Variants in GSE1 observed in about 807,000 individuals in gnomAD.
GSE1 encodes the protein Gse1 coiled-coil protein.
Under a neutral mutation model 112.6 loss-of-function variants are expected in GSE1, and 32 were observed. The observed-to-expected ratio is 0.28, with a 90% confidence interval of 0.21 to 0.38. The LOEUF is 0.38. GSE1 is among the 10% of genes least tolerant of loss of function. The pLI is 1.00. For missense variants in GSE1, 2,348 were observed against 1,699.2 expected (o/e 1.38, Z -6.71); for synonymous variants, 1,115 against 735.6 (o/e 1.52, Z -8.35).
intron 2 of GSE1, among the ~76,000 whole-genome samples, chr16:85,489,352 G>T (rs1000123590): frequency 2.6e-5 from 4 of 151,956 alleles, no homozygotes; most frequent in Non-Finnish European, 4.4e-5. Flanking sequence ...AGTGGCCCCT[G>T]CCTGTCAGTG....
At chr16:85,526,410 G>A (rs1362772228) in intron 2 of GSE1, among the ~76,000 whole-genome samples, 18 of 152,384 alleles carry the variant, frequency 1.2e-4, no homozygotes. Context: ...TGCACAGGGT[G>A]AGAAGAACGG....
intron 1 of GSE1, among the ~76,000 whole-genome samples, chr16:85,633,416 G>C (rs984671805): frequency 6.6e-6 from 1 of 152,236 alleles, no homozygotes; most frequent in Non-Finnish European, 1.5e-5. Context: ...TGAGGGCATT[G>C]CCATGCGTGC....
chr16:85,624,991 C>T (rs1052809962), intron 1 of GSE1, among the ~76,000 whole-genome samples: 6 of 152,188 alleles, frequency 3.9e-5, no homozygotes, highest in African/African-American at 7.2e-5. Flanking sequence ...TACAGGTAGC[C>T]GGCGCCCTGT....
chr16:85,345,044 G>A (rs1248840249), intron 1 of GSE1, among the ~76,000 whole-genome samples: 1 of 152,112 alleles, frequency 6.6e-6, no homozygotes, highest in Non-Finnish European at 1.5e-5. Flanking sequence ...AAACTTCCTT[G>A]TGTTTAGGAG....
chr16:85,360,437 G>A (rs2151577704), intron 2 of GSE1, among the ~76,000 whole-genome samples: 1 of 152,324 alleles, frequency 6.6e-6, no homozygotes, highest in South Asian at 2.1e-4. Flanking sequence ...TCAGGCTGCA[G>A]CCAAGTCCGG....
rs78052138 is a variant in GSE1 at position 85,206,020 on chromosome 16, C to T, written c.2283+34213C>T. Among the ~76,000 whole-genome samples the T allele has an allele frequency of 2.3e-3, 343 of 152,244 alleles. 1 individual carries two copies. Among genetic ancestry groups the T allele is most frequent in the Non-Finnish European group, 2.9e-3 (197 of 68,024 alleles). Reference sequence around the variant, plus strand: ...GCCAAATCACACAAACAAATGTCAGCGTGCCACCAGGACAGGGGTTTGGAA... The same window carrying T: ...GCCAAATCACACAAACAAATGTCAGTGTGCCACCAGGACAGGGGTTTGGAA... On this transcript the variant is annotated intron_variant, in intron 1 of 2. Coordinates refer to the GSE1 transcript ENST00000637419.
Position 85,341,265 on chromosome 16 carries a change from C to G in GSE1, c.2284-16198C>G, listed in dbSNP as rs537672231. 5.9e-5 allele frequency among the ~76,000 whole-genome samples: 9 copies of G among 152,182 alleles called. 1 individual carries two copies. The East Asian group carries it at 1.7e-3, about 29-fold the overall frequency. On this transcript the variant is annotated intron_variant, in intron 1 of 2. Transcript: ENST00000637419. Reference sequence around the variant, plus strand: ...TTAGAGTGCAGTGGATCTCAGCTCACTGCAGCCTTGACCTCCTGGCCTCAA... The same window carrying G: ...TTAGAGTGCAGTGGATCTCAGCTCAGTGCAGCCTTGACCTCCTGGCCTCAA...
At chr16:85,414,434 C>T (rs759127229) in intron 2 of GSE1, among the ~76,000 whole-genome samples, 1 of 152,198 alleles carries the variant, frequency 6.6e-6, no homozygotes, top group Non-Finnish European at 1.5e-5. Flanking sequence ...TCCACACCCA[C>T]ATCTCTCGCA....
chr16:85,208,338 C>T (rs556062976), intron 1 of GSE1, among the ~76,000 whole-genome samples: 34 of 152,304 alleles, frequency 2.2e-4, no homozygotes, highest in Non-Finnish European at 4.7e-4. Context: ...CTGCGGAGTT[C>T]TCAGCCATCG....
chr16:85,329,232 A>C (rs1169167259), intron 1 of GSE1, among the ~76,000 whole-genome samples: 3 of 152,022 alleles, frequency 2.0e-5, no homozygotes, highest in African/African-American at 7.2e-5. Context: ...TCTGCACCTC[A>C]GTTTGTTCAT....
chr16:85,354,676 C>A (rs1325387245), intron 1 of GSE1, among the ~76,000 whole-genome samples: 1 of 152,254 alleles, frequency 6.6e-6, no homozygotes, highest in Non-Finnish European at 1.5e-5. Flanking sequence ...TCCAGCCCAT[C>A]CCCTGGGGGC....
chr16:85,597,217 G>C (rs960785348), intron 1 of GSE1, among the ~76,000 whole-genome samples: 1 of 151,750 alleles, frequency 6.6e-6, no homozygotes, highest in African/African-American at 2.4e-5. Context: ...GACCTCAGGT[G>C]ATCTGCCTGC....
At chr16:85,175,724 T>C (rs1373777068) in intron 1 of GSE1, among the ~76,000 whole-genome samples, 1 of 152,188 alleles carries the variant, frequency 6.6e-6, no homozygotes, top group African/African-American at 2.4e-5. Context: ...GGGGACGTGA[T>C]AATGCGGGTG....
At chr16:85,508,315 G>T (rs547044059) in intron 2 of GSE1, among the ~76,000 whole-genome samples, 17 of 152,272 alleles carry the variant, frequency 1.1e-4, no homozygotes, top group Non-Finnish European at 8.8e-5. Flanking sequence ...ATTACAGGCA[G>T]GAGCCACCAC....
intron 1 of GSE1, among the ~76,000 whole-genome samples, chr16:85,327,980 C>T (rs909488676): frequency 1.3e-5 from 2 of 152,190 alleles, no homozygotes; most frequent in African/African-American, 4.8e-5. Context: ...GGTACAGATC[C>T]CTGGCCATGC....
At chr16:85,395,227 G>A (rs1439469581) in intron 2 of GSE1, among the ~76,000 whole-genome samples, 4 of 152,154 alleles carry the variant, frequency 2.6e-5, no homozygotes, top group Non-Finnish European at 4.4e-5. Context: ...GAATGGAACC[G>A]AATGAACAGG....
intron 1 of GSE1, among the ~76,000 whole-genome samples, chr16:85,188,540 A>G (rs1352269484): frequency 6.6e-6 from 1 of 152,082 alleles, no homozygotes; most frequent in Non-Finnish European, 1.5e-5. Flanking sequence ...GAGGCCAGGC[A>G]CAGTGGCTCC....
intron 1 of GSE1, among the ~76,000 whole-genome samples, chr16:85,581,679 C>T (rs980032921): frequency 2.0e-4 from 30 of 152,162 alleles, no homozygotes; most frequent in African/African-American, 7.2e-4. Context: ...TCCGGCCGTC[C>T]TAAATGCAGT....
chr16:85,221,383 C>A (rs1432492846), intron 1 of GSE1, among the ~76,000 whole-genome samples: 3 of 151,918 alleles, frequency 2.0e-5, no homozygotes, highest in Admixed American at 2.0e-4. Flanking sequence ...CTACACACAC[C>A]CACATGCATA....
Sources: allele counts gnomAD v4.1 joint callset (sites outside exome capture counted in the v4.1 genomes callset), GRCh38; gene constraint gnomAD v4.1.1; transcripts MANE v1.5; gene names NCBI Gene and HGNC (gene_info 2026-07-23, HGNC 2026-07-21).